Variants in STARD9 observed in about 807,000 individuals in gnomAD.
The protein encoded by STARD9 is stAR-related lipid transfer protein 9.
In STARD9, 346 loss-of-function variants were observed where a neutral mutation model predicts 399.8. The observed-to-expected ratio is 0.87, with a 90% CI of 0.79 to 0.95. The LOEUF (loss-of-function observed/expected upper bound fraction) is 0.95. Ranked by LOEUF, STARD9 falls within the 40% of genes least tolerant of loss-of-function variation. STARD9 has a pLI of 0.00. For missense variants in STARD9, 5,832 were observed against 5,667.5 expected (o/e 1.03, Z -0.93); for synonymous variants, 2,203 against 2,143.5 (o/e 1.03, Z -0.77).
At chr15:42,651,692 C>T (rs2059766278) in intron 8 of STARD9, among the ~76,000 whole-genome samples, 1 of 151,970 alleles carries the variant, frequency 6.6e-6, no homozygotes, top group Admixed American at 6.6e-5. Flanking sequence ...CTGTTAATAG[C>T]AGGACCAAGT....
Position 42,689,397 on chromosome 15 carries a change from A to G in STARD9, c.7819A>G (p.Thr2607Ala). The G allele has an allele frequency of 3.3e-6, 5 of 1,537,356 alleles. No individual in the cohort carries two copies. Among genetic ancestry groups the G allele is most frequent in the Non-Finnish European group, 4.4e-6 (5 of 1,146,928 alleles). The part of the protein sequence containing the change: ...KQIDQSSSDQ[T>A]RNEGEAPGFH... Reference sequence around the variant, plus strand: ...AATAGACCAGTCATCATCAGACCAGACCAGGAATGAGGGTGAAGCACCGGG... The same window carrying G: ...AATAGACCAGTCATCATCAGACCAGGCCAGGAATGAGGGTGAAGCACCGGG... The change falls in exon 23 of 33, where the codon ACC becomes GCC. Residue 2607 changes from threonine (T) to alanine (A), a missense_variant. Thr to Ala is a moderately conservative substitution (Grantham distance 58). Coordinates refer to ENST00000290607, the MANE Select transcript of STARD9 (RefSeq NM_020759.3).
chr15:42,687,853 A>G lies in STARD9; in HGVS notation c.6275A>G (p.Gln2092Arg). Reference sequence around the variant, plus strand: ...TTGGTGTTCCAGGACCAGAAGGAGCAGGAGAAGACTGACCATGCCTTTAGG... The same window carrying G: ...TTGGTGTTCCAGGACCAGAAGGAGCGGGAGAAGACTGACCATGCCTTTAGG... ...KELVFQDQKE[Q>R]EKTDHAFRPD... The change falls in exon 23 of 33, where the codon CAG becomes CGG. Residue 2092 changes from glutamine (Q) to arginine (R), a missense_variant. By Grantham distance (43) the Gln-to-Arg change is conservative. This residue lies in a region of STARD9 where 5,828 missense variants were observed against 5,651.1 expected (regional missense o/e 1.03). Transcript: ENST00000290607. 8 of 1,537,274 alleles carry G rather than the reference A, an allele frequency of 5.2e-6. No individual in the cohort carries two copies. Among genetic ancestry groups the G allele is most frequent in the Non-Finnish European group, 7.0e-6 (8 of 1,146,938 alleles).
intron 13 of STARD9, among the ~76,000 whole-genome samples, chr15:42,664,684 T>A (rs898531013): frequency 1.7e-4 from 26 of 152,162 alleles, no homozygotes; most frequent in Non-Finnish European, 3.4e-4. Context: ...TGTGTTTTTT[T>A]ATGCAAGTAG....
intron 2 of STARD9, 77 bp from the exon 3 acceptor site, chr15:42,585,444 T>G: frequency 1.1e-6 from 1 of 883,314 alleles, no homozygotes; most frequent in Admixed American, 2.0e-5. Context: ...CTAGCTATGG[T>G]AGAGGGTGAT....
At chr15:42,580,422 T>G (rs560437326) in intron 1 of STARD9, among the ~76,000 whole-genome samples, 31 of 152,320 alleles carry the variant, frequency 2.0e-4, no homozygotes, top group Middle Eastern at 3.4e-3. Context: ...TTCCTCAGAC[T>G]TCCCCATTTC....
At chr15:42,611,794 G>T (rs764864490) in intron 3 of STARD9, among the ~76,000 whole-genome samples, 36 of 152,214 alleles carry the variant, frequency 2.4e-4, no homozygotes, top group Admixed American at 1.9e-3. Context: ...AAGGCTATGT[G>T]GGGAAATAAA....
In STARD9 at chr15:42,692,943, G is replaced by A. The variant is rs1256248462; in HGVS notation, c.11365G>A (p.Glu3789Lys). 3 of 1,537,182 alleles carry A rather than the reference G, an allele frequency of 2.0e-6. No homozygotes were observed. The highest frequency in any genetic ancestry group is 2.6e-6 in the Non-Finnish European group (3 of 1,146,906). Residue 3789 changes from glutamate to lysine, a missense_variant, in exon 23 of 33, where the codon GAA (glutamate) becomes AAA (lysine). Transcript: ENST00000290607. ...GGTACCTCAGAAGAGAGAGGCAGAG[G>A]AAACAGCACAGAAAATGGCTCAGCT... ...PGVPQKREAE[E>K]TAQKMAQLLY...
In STARD9 at chr15:42,638,806, G is replaced by T. The variant is rs926747964; in HGVS notation, c.553G>T (p.Val185Leu). ...VREHPEMGPY[V>L]QGLSQHVVTN... is the part of the protein sequence containing the mutation. ...GGAGCATCCAGAGATGGGGCCCTAT[G>T]TACAAGGTGAGCTACTGTGGTCCTG... The change falls in exon 7 of 33, where the codon GTA becomes TTA. Residue 185 changes from valine (V) to leucine (L), a missense_variant. Physicochemically the swap from Val to Leu is conservative, Grantham distance 32 (BLOSUM62 1). Coordinates refer to ENST00000290607, the MANE Select transcript of STARD9 (RefSeq NM_020759.3). 2 of 1,527,530 alleles carry T rather than the reference G, an allele frequency of 1.3e-6. No homozygotes were observed. The highest frequency in any genetic ancestry group is 2.0e-5 in the Admixed American group (1 of 49,978). 94.6% of individuals were successfully genotyped at this position (1,527,530 alleles called of 1,614,324 possible).
chr15:42,690,681 A>C lies in STARD9; in HGVS notation c.9103A>C (p.Arg3035=), dbSNP rs1222099038. 7.8e-6 allele frequency: 12 copies of C among 1,537,134 alleles called. No individual in the cohort carries two copies. The highest frequency in any genetic ancestry group is 5.2e-6 in the Non-Finnish European group (6 of 1,146,920). The part of the protein sequence containing the change: ...LEPKDVNREF[R]LTESSTCEPS... ...GCCCAAAGATGTTAACAGGGAATTT[A>C]GGCTAACAGAGAGCAGCACTTGTGA... is the stretch of plus-strand genomic sequence containing the variant. The change falls in exon 23 of 33, where the codon AGG becomes CGG. Residue 3035 remains arginine, a synonymous_variant. Transcript: ENST00000290607.
chr15:42,594,866 G>C (rs929418071), intron 3 of STARD9, among the ~76,000 whole-genome samples: 1 of 152,280 alleles, frequency 6.6e-6, no homozygotes, highest in East Asian at 1.9e-4. Flanking sequence ...TTGCCATCTA[G>C]TAGTATGGGG....
Position 42,686,060 on chromosome 15 carries a change from A to ACT in STARD9, c.4487_4488dup (p.Cys1497LeufsTer8). Reference sequence around the variant, plus strand: ...CCCTTCAGCAGAAGTACCTCCTTGAACTCTCTTGTCCTGTTTTGGAGGCCA... The same window carrying ACT: ...CCCTTCAGCAGAAGTACCTCCTTGAACTCTCTCTTGTCCTGTTTTGGAGGCCA... On this transcript the variant is annotated frameshift_variant, in exon 23 of 33. Coordinates refer to ENST00000290607, the MANE Select transcript of STARD9 (RefSeq NM_020759.3). LOFTEE classifies it high-confidence loss of function. The ACT allele has an allele frequency of 1.3e-6, 2 of 1,536,344 alleles. No individual in the cohort carries two copies. The highest frequency in any genetic ancestry group is 1.7e-6 in the Non-Finnish European group (2 of 1,146,644).
At chr15:42,617,458 G>T (rs1267949356) in intron 3 of STARD9, among the ~76,000 whole-genome samples, 1 of 151,916 alleles carries the variant, frequency 6.6e-6, no homozygotes, top group Admixed American at 6.6e-5. Context: ...CTCCTCCCAG[G>T]TTCAAGGGAT....
At position 42,694,272 on chromosome 15, in the gene STARD9, C is replaced by T; in HGVS notation, c.12694C>T (p.Gln4232Ter). Residue 4232 changes from glutamine (Q) to a stop codon, truncating the protein, a stop_gained, in exon 23 of 33, where the codon CAG (glutamine) becomes TAG (stop). Coordinates refer to ENST00000290607, the MANE Select transcript of STARD9 (RefSeq NM_020759.3). LOFTEE classifies it high-confidence loss of function. ...GEADALLQVL[Q>*]SGTGEALAAD... ...GGCCGATGCCCTGCTCCAGGTGCTG[C>T]AGAGTGGGACAGGGGAGGCGCTTGC... 6.6e-7 allele frequency: 1 copy of T among 1,522,736 alleles called. No individual in the cohort carries two copies. Among genetic ancestry groups the T allele is most frequent in the African/African-American group, 1.4e-5 (1 of 72,852 alleles). 94.3% of individuals were successfully genotyped at this position (1,522,736 alleles called of 1,614,324 possible).
chr15:42,586,152 C>G (rs938588576), intron 3 of STARD9, among the ~76,000 whole-genome samples: 4 of 152,186 alleles, frequency 2.6e-5, no homozygotes, highest in African/African-American at 9.7e-5. Context: ...TATAAGTTAG[C>G]TCAGGTAGTG....
At chr15:42,578,366 T>G (rs1434347853) in intron 1 of STARD9, among the ~76,000 whole-genome samples, 4 of 152,224 alleles carry the variant, frequency 2.6e-5, no homozygotes, top group Admixed American at 1.3e-4. Context: ...CCTCCCAAAG[T>G]GCTGAGATTA....
At chr15:42,711,381 T>G (rs965403160) in intron 26 of STARD9, among the ~76,000 whole-genome samples, 6 of 152,204 alleles carry the variant, frequency 3.9e-5, no homozygotes, top group African/African-American at 1.4e-4. Flanking sequence ...CCTCAGGTGA[T>G]CCACTCGCTT....
At chr15:42,611,603 A>ATTGTCC (rs778466650) in intron 3 of STARD9, among the ~76,000 whole-genome samples, 18 of 152,090 alleles carry the variant, frequency 1.2e-4, no homozygotes, top group Non-Finnish European at 1.6e-4. Flanking sequence ...TGCCACCCTC[A>ATTGTCC]TTGTCCTTGT....
intron 3 of STARD9, among the ~76,000 whole-genome samples, chr15:42,591,277 C>T (rs764077238): frequency 9.9e-5 from 15 of 152,172 alleles, no homozygotes; most frequent in Non-Finnish European, 1.6e-4. Context: ...CACCTGAGGT[C>T]AGGAGTTCAA....
intron 32 of STARD9, 22 bp downstream of exon 32, chr15:42,718,932 G>T: frequency 6.5e-7 from 1 of 1,535,952 alleles, no homozygotes; most frequent in Non-Finnish European, 8.7e-7. Flanking sequence ...TTTGCAGCTG[G>T]CCTCACAGCA....
Sources: allele counts gnomAD v4.1 joint callset (sites outside exome capture counted in the v4.1 genomes callset), GRCh38; gene constraint gnomAD v4.1.1; regional missense constraint gnomAD v4.1.1; transcripts MANE v1.5; gene names NCBI Gene and HGNC (gene_info 2026-07-23, HGNC 2026-07-21).